Variants in ASTN2 observed in about 807,000 individuals in gnomAD.
ASTN2 encodes the protein astrotactin 2, also known as astrotactin-2.
ASTN2 carries 54 observed loss-of-function variants against 139.8 expected under a neutral mutation model. That is an observed-to-expected ratio of 0.39 (90% CI 0.31 to 0.48). The LOEUF (loss-of-function observed/expected upper bound fraction) is 0.48. ASTN2 is among the 20% of genes least tolerant of loss of function. The pLI is 0.95. For synonymous variants in ASTN2, 756 were observed against 719.5 expected, an observed-to-expected ratio of 1.05 and a Z score of -0.81; for missense variants, 1,565 against 1,725.1, an observed-to-expected ratio of 0.91 and a Z score of 1.64.
chr9:117,077,535 C>A (rs1828313250), intron 5 of ASTN2, among the ~76,000 whole-genome samples: 2 of 152,046 alleles, frequency 1.3e-5, no homozygotes, highest in African/African-American at 4.8e-5. Context: ...ATCACTTAAG[C>A]CCAGGAGTTC....
rs1827939229 is a variant in ASTN2 at position 117,066,258 on chromosome 9, A to T, written c.1277-26293T>A. Among the ~76,000 whole-genome samples the T allele has an allele frequency of 6.4e-5, 9 of 140,956 alleles. No individual in the cohort carries two copies. The Admixed American group carries it at 6.5e-4, about 10-fold the overall frequency. 92.5% of individuals were successfully genotyped at this position (140,956 alleles called of 152,430 possible). A position where few individuals can be genotyped will look rare whatever the true frequency, so the allele number is the denominator to read the frequency against. ...TGTTCAATTCCCACCTATGAGTGAG[A>T]ATATGCGGTGTTTGGTTTTTTGTTC... On this transcript the variant is annotated intron_variant, in intron 5 of 22. Transcript: ENST00000313400.
Position 117,414,840 on chromosome 9 carries a change from C to T in ASTN2, c.99G>A (p.Pro33=), listed in dbSNP as rs1205098087. 3 of 1,153,996 alleles carry T rather than the reference C, an allele frequency of 2.6e-6. No individual in the cohort carries two copies. Among genetic ancestry groups the T allele is most frequent in the South Asian group, 6.8e-5 (2 of 29,450 alleles). 71.5% of individuals were successfully genotyped at this position (1,153,996 alleles called of 1,614,324 possible). A position where few individuals can be genotyped will look rare whatever the true frequency, so the allele number is the denominator to read the frequency against. ...GCAGGAGCAGGAACAGCAGCAGCAG[C>T]GGCAGCAGTGGCGGCGGCCCCGGGT... is the stretch of plus-strand genomic sequence containing the variant. The part of the protein sequence containing the change: ...CFHPGPPPLL[P]LLLLFLLLLP... The change falls in exon 1 of 23, where the codon CCG becomes CCA. Residue 33 remains proline (P), a synonymous_variant. Coordinates refer to ENST00000313400, the MANE Select transcript of ASTN2 (RefSeq NM_001365068.1). This position sits in a 1 kb window ranked among gnomAD's most constrained non-coding sequence, Gnocchi z 4.2.
intron 13 of ASTN2, among the ~76,000 whole-genome samples, chr9:116,783,494 C>A (rs1390443854): frequency 6.6e-6 from 1 of 152,156 alleles, no homozygotes; most frequent in East Asian, 1.9e-4. Flanking sequence ...AAACAATTAG[C>A]ATGTAGTGAG....
intron 10 of ASTN2, among the ~76,000 whole-genome samples, chr9:116,970,143 T>C (rs1836146835): frequency 2.0e-5 from 3 of 152,182 alleles, no homozygotes; most frequent in African/African-American, 7.2e-5. Context: ...CTCATTATGG[T>C]GTTTCAGACC....
intron 13 of ASTN2, among the ~76,000 whole-genome samples, chr9:116,794,486 T>C (rs1830640627): frequency 6.6e-6 from 1 of 152,048 alleles, no homozygotes. Flanking sequence ...TTGCAGGCTG[T>C]GGGTTGGATG....
chr9:116,836,992 C>T (rs955828426), intron 11 of ASTN2, among the ~76,000 whole-genome samples: 1 of 151,986 alleles, frequency 6.6e-6, no homozygotes, highest in Non-Finnish European at 1.5e-5. Flanking sequence ...GTTGAAGACC[C>T]GTGACTTCAG....
chr9:116,601,755 G>C (rs1432480390), intron 19 of ASTN2, among the ~76,000 whole-genome samples: 1 of 152,216 alleles, frequency 6.6e-6, no homozygotes, highest in Non-Finnish European at 1.5e-5. Context: ...ATCCAGTTTT[G>C]AATGTGTTGA....
At chr9:116,818,598 C>A (rs1410665482) in intron 12 of ASTN2, among the ~76,000 whole-genome samples, 1 of 152,150 alleles carries the variant, frequency 6.6e-6, no homozygotes, top group Non-Finnish European at 1.5e-5. Context: ...CGCTCACAGT[C>A]CTTTCACAAT....
intron 5 of ASTN2, among the ~76,000 whole-genome samples, chr9:117,060,915 A>G (rs996456769): frequency 8.6e-5 from 13 of 151,944 alleles, no homozygotes; most frequent in African/African-American, 3.1e-4. Context: ...AAAAGAAAAG[A>G]AAAAAAAGAA....
At chr9:116,707,518 A>G (rs1828024451) in intron 16 of ASTN2, among the ~76,000 whole-genome samples, 1 of 151,800 alleles carries the variant, frequency 6.6e-6, no homozygotes, top group South Asian at 2.1e-4. Context: ...CTCCTCCCCA[A>G]CCCCTCCCCA....
chr9:116,535,129 C>G (rs1208569571), intron 19 of ASTN2, among the ~76,000 whole-genome samples: 1 of 152,132 alleles, frequency 6.6e-6, no homozygotes, highest in African/African-American at 2.4e-5. Context: ...CCTTCTTTGT[C>G]TCTTTTGATC....
At chr9:116,991,946 G>A (rs568298576) in intron 7 of ASTN2, among the ~76,000 whole-genome samples, 10 of 152,258 alleles carry the variant, frequency 6.6e-5, no homozygotes, top group African/African-American at 2.2e-4. Flanking sequence ...AAGCTTATGA[G>A]GAACACACAT....
At chr9:117,230,616 A>G (rs1366295981) in intron 2 of ASTN2, among the ~76,000 whole-genome samples, 3 of 152,216 alleles carry the variant, frequency 2.0e-5, no homozygotes, top group Non-Finnish European at 4.4e-5. Context: ...ACACTGAGGA[A>G]GGATATCTAG....
At chr9:117,030,934 C>T (rs1361156560) in intron 6 of ASTN2, among the ~76,000 whole-genome samples, 1 of 152,128 alleles carries the variant, frequency 6.6e-6, no homozygotes, top group Non-Finnish European at 1.5e-5. Context: ...CCTAGCCTTG[C>T]CTTCTCCCTG....
At chr9:116,985,907 A>G (rs1473109898) in intron 7 of ASTN2, among the ~76,000 whole-genome samples, 1 of 152,182 alleles carries the variant, frequency 6.6e-6, no homozygotes, top group Admixed American at 6.5e-5. Context: ...TGGTAAGGGG[A>G]AAGGTGTCAG....
rs118189702 is a variant in ASTN2, at chr9:117,413,194, A to G, written c.442+1303T>C. 3.5e-3 allele frequency among the ~76,000 whole-genome samples: 540 copies of G among 152,348 alleles called. 21 individuals are homozygous for G. The East Asian group carries it at 0.086, about 24-fold the overall frequency. On this transcript the variant is annotated intron_variant, in intron 1 of 22. Coordinates refer to ENST00000313400, the MANE Select transcript of ASTN2 (RefSeq NM_001365068.1). The stretch of plus-strand genomic sequence containing the variant: ...TGAAAGGATGGGGAGTGGGTCACAA[A>G]AATACTTTTAACAATATCAGGGCTA...
rs1282089563 is a variant in ASTN2 at position 116,725,752 on chromosome 9, G to A, written c.2806+19C>T. The A allele has an allele frequency of 1.2e-6, 2 of 1,609,272 alleles. No homozygotes were observed. Among genetic ancestry groups the A allele is most frequent in the Non-Finnish European group, 1.7e-6 (2 of 1,178,384 alleles). ...ATAGCCTGCCTGGCCACCTCCTACA[G>A]TAGGCACTCCGGGCTTACCTTTCTG... On this transcript the variant is annotated intron_variant, in intron 16 of 22. Coordinates refer to ENST00000313400, the MANE Select transcript of ASTN2 (RefSeq NM_001365068.1).
At position 117,165,520 on chromosome 9, in the gene ASTN2, T is replaced by C. The variant is rs115995224; in HGVS notation, c.1016-24042A>G. ...CGGCTCCTCTTTTCCTGATACTGTC[T>C]TCATGGAATGCAGAACTGCGCAGCA... On this transcript the variant is annotated intron_variant, in intron 3 of 22. Coordinates refer to ENST00000313400, the MANE Select transcript of ASTN2 (RefSeq NM_001365068.1). 7.8e-3 allele frequency among the ~76,000 whole-genome samples: 1,185 copies of C among 152,180 alleles called. 15 individuals are homozygous for C. Among genetic ancestry groups the C allele is most frequent in the African/African-American group, 0.027 (1,135 of 41,540 alleles).
intron 10 of ASTN2, among the ~76,000 whole-genome samples, chr9:116,904,952 AC>A (rs1357232997): frequency 6.6e-6 from 1 of 151,412 alleles, no homozygotes; most frequent in Non-Finnish European, 1.5e-5. Flanking sequence ...CACCCTCCGC[AC>A]CCCCAACTCT....
Sources: gnomAD v4.1 joint callset for allele counts (sites outside exome capture counted in the v4.1 genomes callset) on GRCh38, gnomAD v4.1.1 for gene constraint, Gnocchi (gnomAD v3.1) non-coding constraint, MANE v1.5 for transcripts, NCBI Gene and HGNC (gene_info 2026-07-23, HGNC 2026-07-21) for gene names.